XRRA1: variants seen among roughly 807,000 people sequenced by gnomAD.
XRRA1 encodes the protein X-ray radiation resistance associated 1, also known as X-ray radiation resistance-associated protein 1.
XRRA1 carries 69 observed loss-of-function variants against 80.2 expected under a neutral mutation model. That is an observed-to-expected ratio of 0.86 (90% confidence interval 0.71 to 1.05). The LOEUF (loss-of-function observed/expected upper bound fraction) is 1.05, where lower values mean the gene tolerates loss of function less well. XRRA1 is among the 50% of genes least tolerant of loss of function. The pLI, the probability that XRRA1 is intolerant of heterozygous loss-of-function variation, is 0.00. For missense variants in XRRA1, 967 were observed against 976.4 expected (o/e 0.99, Z 0.13); for synonymous variants, 348 against 389.9 (o/e 0.89, Z 1.27).
At chr11:74,914,610 G>GA (rs1441651184) in intron 8 of XRRA1, among the ~76,000 whole-genome samples, 1 of 151,734 alleles carries the variant, frequency 6.6e-6, no homozygotes, top group African/African-American at 2.4e-5. Flanking sequence ...TCCTGGTTTG[G>GA]ATGATAAAGT....
chr11:74,861,012 T>G (rs758101372), intron 11 of XRRA1, among the ~76,000 whole-genome samples: 10 of 152,158 alleles, frequency 6.6e-5, no homozygotes, highest in Non-Finnish European at 1.3e-4. Context: ...AACTAGAAAT[T>G]AAGTTCAATC....
At chr11:74,897,769 T>C (rs1019133166) in intron 10 of XRRA1, among the ~76,000 whole-genome samples, 2 of 147,348 alleles carry the variant, frequency 1.4e-5, no homozygotes, top group East Asian at 3.9e-4. Flanking sequence ...AGTGAAAATA[T>C]TCTTTAAGCA....
chr11:74,944,182 T>C (rs1947007609), intron 2 of XRRA1, among the ~76,000 whole-genome samples: 2 of 152,182 alleles, frequency 1.3e-5, no homozygotes, highest in African/African-American at 4.8e-5. Flanking sequence ...TTAATGATCA[T>C]GAAGGGGTAC....
intron 10 of XRRA1, among the ~76,000 whole-genome samples, chr11:74,868,645 G>C (rs1294068428): frequency 1.3e-5 from 2 of 151,788 alleles, no homozygotes; most frequent in African/African-American, 2.4e-5. Flanking sequence ...AACGGATGGA[G>C]AAAAATCTAC....
chr11:74,882,795 G>A (rs1280270613), intron 10 of XRRA1, among the ~76,000 whole-genome samples: 1 of 151,998 alleles, frequency 6.6e-6, no homozygotes, highest in African/African-American at 2.4e-5. Context: ...TGCCCCTGCT[G>A]GGGGGGTGCC....
chr11:74,945,907 C>T (rs1407995301), intron 1 of XRRA1, among the ~76,000 whole-genome samples: 1 of 152,182 alleles, frequency 6.6e-6, no homozygotes, highest in South Asian at 2.1e-4. Flanking sequence ...GATTAGCTTT[C>T]CTGTATCTCC....
At position 74,906,452 on chromosome 11, in the gene XRRA1, T is replaced by G; in HGVS notation, c.790A>C (p.Lys264Gln). The G allele has an allele frequency of 6.2e-7, 1 of 1,613,814 alleles. No homozygotes were observed. Among genetic ancestry groups the G allele is most frequent in the Non-Finnish European group, 8.5e-7 (1 of 1,179,830 alleles). Reference protein sequence around the residue: ...FASLAGLRRLKKLSLDENRII... With the variant: ...FASLAGLRRLQKLSLDENRII... Reference sequence around the variant, plus strand: ...CTGTTTTCATCCAAGCTTAACTTCTTCAGTCTTCAATTAAGGAAAGTGAAT... The same window carrying G: ...CTGTTTTCATCCAAGCTTAACTTCTGCAGTCTTCAATTAAGGAAAGTGAAT... Residue 264 changes from lysine to glutamine, a missense_variant, in exon 10 of 19, where the codon AAG (lysine) becomes CAG (glutamine). By Grantham distance (53) the Lys-to-Gln change is moderately conservative. Transcript: ENST00000684022.
At chr11:74,888,617 TCCAAG>T (rs2049754267) in intron 10 of XRRA1, among the ~76,000 whole-genome samples, 1 of 152,056 alleles carries the variant, frequency 6.6e-6, no homozygotes, top group South Asian at 2.1e-4. Context: ...ATCGAACTAC[TCCAAG>T]CTAAAGGAGG....
chr11:74,855,064 AAG>A (rs1304308482), intron 12 of XRRA1, among the ~76,000 whole-genome samples: 6 of 152,126 alleles, frequency 3.9e-5, no homozygotes, highest in African/African-American at 9.7e-5. Flanking sequence ...AAAAAGAAAA[AAG>A]AAAAAAAATA....
intron 3 of XRRA1, among the ~76,000 whole-genome samples, chr11:74,937,330 G>T (rs534239037): frequency 1.3e-5 from 2 of 152,096 alleles, no homozygotes; most frequent in Non-Finnish European, 2.9e-5. Context: ...ATGACTTGCC[G>T]AATTCCTTCC....
intron 8 of XRRA1, among the ~76,000 whole-genome samples, chr11:74,915,709 CAAT>C (rs143722873): frequency 0.044 from 6,712 of 152,250 alleles, 243 homozygotes; most frequent in Middle Eastern, 0.068. Flanking sequence ...ACTGTTGATA[CAAT>C]AATACTAGCT....
chr11:74,858,003 A>G (rs557825401), intron 12 of XRRA1, among the ~76,000 whole-genome samples: 4 of 152,362 alleles, frequency 2.6e-5, no homozygotes, highest in African/African-American at 9.6e-5. Context: ...ATTAGAAAGA[A>G]GAAAGGTCTA....
At chr11:74,943,532 T>A (rs1241291106) in intron 2 of XRRA1, among the ~76,000 whole-genome samples, 1 of 55,454 alleles carries the variant, frequency 1.8e-5, no homozygotes, top group African/African-American at 4.9e-5. Flanking sequence ...AGGGTGTGTG[T>A]GTGTGTGTGT....
At chr11:74,876,017 T>G (rs2045968420) in intron 10 of XRRA1, among the ~76,000 whole-genome samples, 1 of 152,196 alleles carries the variant, frequency 6.6e-6, no homozygotes, top group Non-Finnish European at 1.5e-5. Context: ...GGTAGATACT[T>G]TCACTAACTG....
chr11:74,876,836 A>G (rs1219471104), intron 10 of XRRA1: 1 of 152,228 alleles, frequency 6.6e-6, no homozygotes, highest in African/African-American at 2.4e-5. Context: ...ACCTTATCAG[A>G]TACTTTCAGT....
intron 3 of XRRA1, among the ~76,000 whole-genome samples, 195 bp from the exon 4 acceptor site, chr11:74,937,263 A>G (rs552245972): frequency 6.6e-6 from 1 of 152,290 alleles, no homozygotes; most frequent in East Asian, 1.9e-4. Flanking sequence ...AACCCAGTGA[A>G]AAACATGTCA....
intron 12 of XRRA1, among the ~76,000 whole-genome samples, chr11:74,852,878 AC>A (rs139489724): frequency 0.013 from 1,918 of 152,366 alleles, 17 homozygotes; most frequent in Non-Finnish European, 0.02. Flanking sequence ...CCCTGGACAC[AC>A]TGAAAGGTAT....
At position 74,937,929 on chromosome 11, in the gene XRRA1, T is replaced by C. The variant is rs114444269; in HGVS notation, c.95-861A>G. Among the ~76,000 whole-genome samples the C allele has an allele frequency of 5.2e-3, 796 of 152,328 alleles. 8 individuals carry two copies. The highest frequency in any genetic ancestry group is 0.018 in the African/African-American group (758 of 41,578). On this transcript the variant is annotated intron_variant, in intron 3 of 18. Transcript: ENST00000684022. ...CGCATTGTGACTGTTGCTGAACAAA[T>C]GACTGAATGAACCCTGTCTTATAGC...
chr11:74,872,753 C>T (rs995985899), intron 10 of XRRA1, among the ~76,000 whole-genome samples: 1 of 152,158 alleles, frequency 6.6e-6, no homozygotes, highest in Non-Finnish European at 1.5e-5. Flanking sequence ...GCAGCTGAAA[C>T]TGTCATTACT....
Sources: allele counts gnomAD v4.1 joint callset (sites outside exome capture counted in the v4.1 genomes callset), GRCh38; gene constraint gnomAD v4.1.1; transcripts MANE v1.5; gene names NCBI Gene and HGNC (gene_info 2026-07-23, HGNC 2026-07-21).